GAPVD1: variants seen among roughly 807,000 people sequenced by gnomAD.
GAPVD1 encodes the protein GTPase activating protein and VPS9 domains 1.
In GAPVD1, 35 loss-of-function variants were observed where a neutral mutation model predicts 155.5. The ratio of observed to expected loss-of-function variants is 0.23; its 90% CI spans 0.17 to 0.30. The LOEUF (loss-of-function observed/expected upper bound fraction) is 0.30. Among genes scored for constraint, GAPVD1 ranks in the 10% least tolerant of loss-of-function variants. GAPVD1 has a pLI of 1.00. For missense variants in GAPVD1, 1,429 were observed against 1,775.7 expected, an observed-to-expected ratio of 0.80 and a Z score of 3.51; for synonymous variants, 636 against 619.7, an observed-to-expected ratio of 1.03 and a Z score of -0.39.
At chr9:125,324,161 A>G in intron 11 of GAPVD1, among the ~76,000 whole-genome samples, 1 of 152,214 alleles carries the variant, frequency 6.6e-6, no homozygotes, top group East Asian at 1.9e-4. Flanking sequence ...TATTTTAATT[A>G]TGTAATATTT....
intron 2 of GAPVD1, among the ~76,000 whole-genome samples, chr9:125,276,100 A>G (rs1005433958): frequency 1.3e-5 from 2 of 152,214 alleles, no homozygotes; most frequent in African/African-American, 4.8e-5. Context: ...TTGTCGTCAC[A>G]AGAAGTCTGT....
At chr9:125,279,906 A>G (rs2132099994) in intron 2 of GAPVD1, among the ~76,000 whole-genome samples, 1 of 151,220 alleles carries the variant, frequency 6.6e-6, no homozygotes, top group African/African-American at 2.4e-5. Flanking sequence ...GATTACAGGT[A>G]CGCACCACCA....
chr9:125,293,655 A>G (rs1177950658), intron 2 of GAPVD1, among the ~76,000 whole-genome samples: 2 of 126,224 alleles, frequency 1.6e-5, no homozygotes, highest in Non-Finnish European at 3.2e-5. Flanking sequence ...AAAAATATAT[A>G]TATTATATAT....
At chr9:125,276,969 G>T (rs1835891774) in intron 2 of GAPVD1, among the ~76,000 whole-genome samples, 1 of 151,766 alleles carries the variant, frequency 6.6e-6, no homozygotes, top group Non-Finnish European at 1.5e-5. Context: ...TCCCTATGTT[G>T]TCCAGGCTGG....
At chr9:125,319,601 CTTT>C (rs777202943) in intron 9 of GAPVD1, among the ~76,000 whole-genome samples, 3 of 121,506 alleles carry the variant, frequency 2.5e-5, no homozygotes, top group Non-Finnish European at 1.8e-5. Context: ...GAAAAAAAAA[CTTT>C]TTTTTTTTTT....
chr9:125,329,412 C>A (rs933188492), intron 12 of GAPVD1, among the ~76,000 whole-genome samples: 5 of 152,108 alleles, frequency 3.3e-5, no homozygotes, highest in African/African-American at 1.2e-4. Context: ...ATATTAAGGA[C>A]CCCTGTAAAA....
chr9:125,288,530 C>T (rs1350885819), intron 2 of GAPVD1, among the ~76,000 whole-genome samples: 1 of 152,106 alleles, frequency 6.6e-6, no homozygotes, highest in African/African-American at 2.4e-5. Flanking sequence ...AAGAATATGT[C>T]ATTGAAATAC....
At chr9:125,304,979 A>G in intron 5 of GAPVD1, 84 bp from the exon 6 acceptor site, 1 of 880,540 alleles carries the variant, frequency 1.1e-6, no homozygotes, top group Non-Finnish European at 1.9e-6. Flanking sequence ...TTTAGAACAG[A>G]ATAGACGTGC....
rs1002811808 is a variant in GAPVD1 at position 125,359,097 on chromosome 9, C to G, written c.3972-323C>G. On this transcript the variant is annotated intron_variant, in intron 25 of 27. Transcript: ENST00000297933. Reference sequence around the variant, plus strand: ...TCTACTTCCTCTCACTTTTTCCCCCCCTCTCCTTTTCCTCTACCTTACAAA... The same window carrying G: ...TCTACTTCCTCTCACTTTTTCCCCCGCTCTCCTTTTCCTCTACCTTACAAA... 1.4e-4 allele frequency among the ~76,000 whole-genome samples: 22 copies of G among 152,188 alleles called. No homozygotes were observed. In the South Asian group the frequency reaches 4.2e-3, roughly 29 times the overall value.
intron 27 of GAPVD1, 81 bp downstream of exon 27, chr9:125,360,806 T>C (rs1850797972): frequency 2.0e-6 from 2 of 1,015,548 alleles, no homozygotes; most frequent in Non-Finnish European, 3.1e-6. Flanking sequence ...ACCATAGATA[T>C]CTTGGCTCTT....
intron 25 of GAPVD1, among the ~76,000 whole-genome samples, chr9:125,357,293 A>T (rs1014495846): frequency 5.3e-5 from 8 of 152,148 alleles, no homozygotes; most frequent in African/African-American, 1.9e-4. Flanking sequence ...AAGAATGAAC[A>T]GTTGGTCGGG....
At chr9:125,324,707 C>A (rs1588950935) in intron 11 of GAPVD1, among the ~76,000 whole-genome samples, 1 of 152,032 alleles carries the variant, frequency 6.6e-6, no homozygotes, top group East Asian at 1.9e-4. Flanking sequence ...CAAGCATAAG[C>A]AAGTCAAAGA....
At chr9:125,309,295 A>G (rs1842307040) in intron 8 of GAPVD1, 1 of 152,082 alleles carries the variant, frequency 6.6e-6, no homozygotes, top group South Asian at 2.1e-4. Flanking sequence ...AAAATAGAAA[A>G]AGCGATTTTA....
intron 27 of GAPVD1, among the ~76,000 whole-genome samples, chr9:125,361,844 C>T (rs895223292): frequency 1.3e-5 from 2 of 152,206 alleles, no homozygotes; most frequent in African/African-American, 2.4e-5. Context: ...ACTAAGTGAT[C>T]GTATCACTTG....
intron 2 of GAPVD1, among the ~76,000 whole-genome samples, chr9:125,279,417 A>C (rs1021927272): frequency 6.6e-5 from 10 of 151,514 alleles, no homozygotes; most frequent in African/African-American, 2.4e-4. Context: ...AAAAATACAA[A>C]AAAATTATCT....
chr9:125,296,653 C>CTTTTT (rs34723392), intron 3 of GAPVD1, among the ~76,000 whole-genome samples: 4 of 125,312 alleles, frequency 3.2e-5, no homozygotes, highest in African/African-American at 6.3e-5. Context: ...TGTGCCTGGC[C>CTTTTT]TTTTTTTTTT....
chr9:125,323,936 T>C lies in GAPVD1; in HGVS notation c.1858+13T>C. 6.2e-7 allele frequency: 1 copy of C among 1,610,032 alleles called. No homozygotes were observed. Among genetic ancestry groups the C allele is most frequent in the East Asian group, 2.2e-5 (1 of 44,834 alleles). The stretch of plus-strand genomic sequence containing the variant: ...GAACATGAGCAAGGTAAAGTGAAGT[T>C]GAACACAGTTGCCTAAGTAGCAAAG... On this transcript the variant is annotated intron_variant, in intron 11 of 27. Transcript: ENST00000297933.
intron 23 of GAPVD1, among the ~76,000 whole-genome samples, chr9:125,353,951 G>A (rs1197081370): frequency 6.6e-6 from 1 of 152,202 alleles, no homozygotes; most frequent in East Asian, 1.9e-4. Flanking sequence ...ATTTACTTCA[G>A]CTTTGCACAA....
chr9:125,291,891 A>T (rs1425314008), intron 2 of GAPVD1, among the ~76,000 whole-genome samples: 1 of 152,142 alleles, frequency 6.6e-6, no homozygotes, highest in African/African-American at 2.4e-5. Flanking sequence ...AGCCACTGTG[A>T]AAAGGATTGA....
Sources: allele counts gnomAD v4.1 joint callset (sites outside exome capture counted in the v4.1 genomes callset), GRCh38; gene constraint gnomAD v4.1.1; transcripts MANE v1.5; gene names NCBI Gene and HGNC (gene_info 2026-07-23, HGNC 2026-07-21).